Variants in LITAF observed in about 807,000 individuals in gnomAD.
LITAF encodes the protein lipopolysaccharide induced TNF factor.
Under a neutral mutation model 14.5 loss-of-function variants are expected in LITAF, and 9 were observed. That is an observed-to-expected ratio of 0.62 (90% CI 0.37 to 1.08). The LOEUF is 1.08. Ranked by LOEUF, LITAF falls within the 50% of genes least tolerant of loss-of-function variation. The pLI, the probability that LITAF is intolerant of heterozygous loss-of-function variation, is 0.01. For missense variants in LITAF, 206 were observed against 213.4 expected (o/e 0.97, Z 0.22); for synonymous variants, 98 against 88.2 (o/e 1.11, Z -0.62).
At chr16:11,565,231 T>C (rs1332725922) in intron 1 of LITAF, among the ~76,000 whole-genome samples, 3 of 151,754 alleles carry the variant, frequency 2.0e-5, no homozygotes, top group East Asian at 3.9e-4. Flanking sequence ...TACAGGTGCC[T>C]GCCACCACAC....
At chr16:11,622,947 AAT>A (rs56677620) in intron 3 of LITAF, among the ~76,000 whole-genome samples, 5,798 of 145,326 alleles carry the variant, frequency 0.04, 152 homozygotes, top group East Asian at 0.11. Flanking sequence ...TCATATAATG[AAT>A]ATATATATAT....
intron 1 of LITAF, chr16:11,584,220 T>G (rs1452782632): frequency 2.6e-5 from 4 of 152,152 alleles, no homozygotes; most frequent in Non-Finnish European, 5.9e-5. Context: ...CGGGGCTATT[T>G]TCACTGCTGT....
intron 1 of LITAF, among the ~76,000 whole-genome samples, chr16:11,564,100 G>C (rs1331420296): frequency 6.6e-6 from 1 of 151,760 alleles, no homozygotes; most frequent in Non-Finnish European, 1.5e-5. Context: ...CTAGAGACAG[G>C]GGTTTCACCA....
At chr16:11,551,664 CA>C (rs57186247) in intron 3 of LITAF, 677 of 551,334 alleles carry the variant, frequency 1.2e-3, no homozygotes, top group South Asian at 3.0e-3. Flanking sequence ...TCCACACACA[CA>C]AAAAAAAAAT....
At chr16:11,580,779 AT>A (rs1264924947) in intron 1 of LITAF, among the ~76,000 whole-genome samples, 1 of 148,282 alleles carries the variant, frequency 6.7e-6, no homozygotes, top group East Asian at 2.0e-4. Context: ...TTTCTTTTTT[AT>A]TTTGAGACAG....
chr16:11,577,835 C>G (rs1385147983), intron 1 of LITAF, among the ~76,000 whole-genome samples: 1 of 152,150 alleles, frequency 6.6e-6, no homozygotes, highest in East Asian at 1.9e-4. Flanking sequence ...AGCGATCCTC[C>G]TCCCTCAGCC....
At chr16:11,630,813 C>G (rs2141906689) in intron 3 of LITAF, among the ~76,000 whole-genome samples, 2 of 151,954 alleles carry the variant, frequency 1.3e-5, no homozygotes, top group South Asian at 4.2e-4. Flanking sequence ...CCAGGCTGGT[C>G]TTGAACTCCT....
upstream of LITAF, among the ~76,000 whole-genome samples, chr16:11,639,816 GAA>G (rs2065157515): frequency 6.6e-6 from 1 of 152,094 alleles, no homozygotes; most frequent in Non-Finnish European, 1.5e-5. Context: ...CCAACATGGT[GAA>G]ACCCCATCTC....
At chr16:11,590,451 C>A (rs1015115987), upstream of LITAF, among the ~76,000 whole-genome samples, 5 of 117,090 alleles carry the variant, frequency 4.3e-5, 2 homozygotes, top group Non-Finnish European at 8.5e-5. Flanking sequence ...CCCTTACAAC[C>A]ATTCTGTTTT....
At chr16:11,562,635 G>A (rs569133209) in intron 1 of LITAF, among the ~76,000 whole-genome samples, 66 of 152,252 alleles carry the variant, frequency 4.3e-4, no homozygotes, top group African/African-American at 1.5e-3. Flanking sequence ...GTTGGATCAC[G>A]TCTGTAATCC....
intron 3 of LITAF, among the ~76,000 whole-genome samples, chr16:11,552,170 A>C (rs2064191801): frequency 6.6e-6 from 1 of 152,194 alleles, no homozygotes; most frequent in Non-Finnish European, 1.5e-5. Context: ...CGGTTGCATG[A>C]GGCTCCTGAA....
intron 3 of LITAF, among the ~76,000 whole-genome samples, chr16:11,624,369 G>A (rs1249609868): frequency 6.6e-6 from 1 of 152,144 alleles, no homozygotes; most frequent in Non-Finnish European, 1.5e-5. Flanking sequence ...CCCATCCTCT[G>A]GTCAATCTCT....
Position 11,553,403 on chromosome 16 carries a change from T to C in LITAF, c.377+130A>G. On this transcript the variant is annotated intron_variant, in intron 3 of 3. Coordinates refer to ENST00000622633, the MANE Select transcript of LITAF (RefSeq NM_001136472.2). The surrounding 1 kb of genome is among the most constrained non-coding windows in gnomAD (Gnocchi z 7.7). The stretch of plus-strand genomic sequence containing the variant: ...TCCAGCCTGGGCGACAGAACCAGAT[T>C]CCATCTCAAAAAAAAACAACACAAA... The C allele has an allele frequency of 1.9e-6, 2 of 1,027,972 alleles. No individual in the cohort carries two copies. Among genetic ancestry groups the C allele is most frequent in the South Asian group, 1.4e-5 (1 of 71,772 alleles). 63.7% of individuals were successfully genotyped at this position (1,027,972 alleles called of 1,614,324 possible). A position where few individuals can be genotyped will look rare whatever the true frequency, so the allele number is the denominator to read the frequency against.
chr16:11,614,687 C>T (rs2065006191), intron 3 of LITAF, among the ~76,000 whole-genome samples: 2 of 152,146 alleles, frequency 1.3e-5, no homozygotes, highest in Admixed American at 6.6e-5. Context: ...GCAACCTCCA[C>T]CTCCAGGGCT....
At chr16:11,588,715 G>C (rs2064830730), upstream of LITAF, among the ~76,000 whole-genome samples, 1 of 152,054 alleles carries the variant, frequency 6.6e-6, no homozygotes, top group Admixed American at 6.6e-5. Flanking sequence ...CTGACATTAA[G>C]ACAGAATATC....
chr16:11,638,264 G>C (rs150068652), upstream of LITAF, among the ~76,000 whole-genome samples: 386 of 151,434 alleles, frequency 2.5e-3, 1 homozygote, highest in Non-Finnish European at 4.1e-3. Flanking sequence ...CATAGGTTTG[G>C]GGTGATGATT....
At chr16:11,551,693 A>G (rs1309766098) in intron 3 of LITAF, 2 of 649,116 alleles carry the variant, frequency 3.1e-6, no homozygotes, top group African/African-American at 1.9e-5. Context: ...TTAGCTAGGT[A>G]TGGTGGCACA....
chr16:11,569,488 TG>T (rs1189394587), intron 1 of LITAF, among the ~76,000 whole-genome samples: 7 of 152,150 alleles, frequency 4.6e-5, no homozygotes, highest in African/African-American at 1.4e-4. Context: ...GTGATCCTCT[TG>T]CCTTGGCCTC....
intron 3 of LITAF, among the ~76,000 whole-genome samples, chr16:11,619,138 C>A (rs2065034961): frequency 6.6e-6 from 1 of 151,860 alleles, no homozygotes; most frequent in Non-Finnish European, 1.5e-5. Context: ...TGGCAAAACC[C>A]CTTCTCTACT....
Sources: gnomAD v4.1 joint callset for allele counts (sites outside exome capture counted in the v4.1 genomes callset) on GRCh38, gnomAD v4.1.1 for gene constraint, Gnocchi (gnomAD v3.1) non-coding constraint, MANE v1.5 for transcripts, NCBI Gene and HGNC (gene_info 2026-07-23, HGNC 2026-07-21) for gene names.